Variants in CYP11A1 observed in about 807,000 individuals in gnomAD.
The protein encoded by CYP11A1 is cholesterol side-chain cleavage enzyme, mitochondrial.
Under a neutral mutation model 51.9 loss-of-function variants are expected in CYP11A1, and 25 were observed. The observed-to-expected ratio is 0.48, with a 90% CI of 0.35 to 0.67. The LOEUF is 0.67. Ranked by LOEUF, CYP11A1 falls within the 30% of genes least tolerant of loss-of-function variation. The pLI is 0.00. For missense variants in CYP11A1, 578 were observed against 680.9 expected (o/e 0.85, Z 1.68); for synonymous variants, 245 against 262.1 (o/e 0.93, Z 0.63).
chr15:74,351,585 C>G (rs1042014291), intron 1 of CYP11A1, among the ~76,000 whole-genome samples: 5 of 152,158 alleles, frequency 3.3e-5, no homozygotes, highest in Non-Finnish European at 7.4e-5. Flanking sequence ...CGTCTGGGAC[C>G]CTAAGATTGG....
At chr15:74,359,616 C>T (rs1229306462) in intron 1 of CYP11A1, 3 of 152,256 alleles carry the variant, frequency 2.0e-5, no homozygotes, top group Non-Finnish European at 2.9e-5. Context: ...AGAACAACCC[C>T]TTTGACTGTA....
chr15:74,356,854 C>G (rs2060682802), intron 1 of CYP11A1, among the ~76,000 whole-genome samples: 2 of 152,164 alleles, frequency 1.3e-5, no homozygotes, highest in African/African-American at 4.8e-5. Context: ...TCCTTGGTGA[C>G]TGATCATGCA....
chr15:74,351,292 T>C (rs1186204405), intron 1 of CYP11A1, among the ~76,000 whole-genome samples: 7 of 152,206 alleles, frequency 4.6e-5, no homozygotes, highest in African/African-American at 1.4e-4. Context: ...AAGGGAATAA[T>C]TGCGCTGCCC....
chr15:74,354,674 A>G (rs1177985047), intron 1 of CYP11A1: 1 of 155,942 alleles, frequency 6.4e-6, no homozygotes, highest in African/African-American at 2.4e-5. Context: ...CATCCCACCA[A>G]TTTTAAACCC....
At position 74,346,247 on chromosome 15, in the gene CYP11A1, G is replaced by A. The variant is rs144310370; in HGVS notation, c.426-1004C>T. Among the ~76,000 whole-genome samples, 493 of 150,996 alleles carry A rather than the reference G, an allele frequency of 3.3e-3. 3 individuals carry two copies. The highest frequency in any genetic ancestry group is 0.025 in the South Asian group (122 of 4,792). The stretch of plus-strand genomic sequence containing the variant: ...GGGCATCTATAATCCCAGCTACGCC[G>A]GAGCTTGAGGCAATAGAATCACTTG... On this transcript the variant is annotated intron_variant, in intron 2 of 8. Coordinates refer to ENST00000268053, the MANE Select transcript of CYP11A1 (RefSeq NM_000781.3).
chr15:74,367,194 A>AT, intron 1 of CYP11A1, 123 bp downstream of exon 1: 1 of 979,142 alleles, frequency 1.0e-6, no homozygotes, highest in African/African-American at 1.7e-5. Flanking sequence ...AAAAAAAAAA[A>AT]AAGAAGTTAG....
chr15:74,341,218 C>T (rs1263452916), intron 5 of CYP11A1, among the ~76,000 whole-genome samples: 1 of 152,114 alleles, frequency 6.6e-6, no homozygotes, highest in Non-Finnish European at 1.5e-5. Context: ...AGCTTAGGAC[C>T]CTGCCTGCCA....
Position 74,345,124 on chromosome 15 carries a change from A to G in CYP11A1, c.545T>C (p.Leu182Pro), listed in dbSNP as rs762299364. The change falls in exon 3 of 9, where the codon CTG (leucine) becomes CCG (proline). Residue 182 changes from leucine to proline, a missense_variant. By Grantham distance (98) the Leu-to-Pro change is moderately conservative. Transcript: ENST00000268053. This position sits in a 1 kb window ranked among gnomAD's most constrained non-coding sequence, Gnocchi z 4.3. ...DAVSRDFVSV[L>P]HRRIKKAGSG... is the part of the protein sequence containing the mutation. ...GCCCGCCTTCTTGATGCGCCTGTGC[A>G]GGACACTGACGAAGTCCCGAGACAC... 2 of 1,614,160 alleles carry G rather than the reference A, an allele frequency of 1.2e-6. No individual in the cohort carries two copies. Among genetic ancestry groups the G allele is most frequent in the Non-Finnish European group, 1.7e-6 (2 of 1,180,018 alleles).
Position 74,338,568 on chromosome 15 carries a change from C to G in CYP11A1, c.1434+3G>C. ...GTGCCTAGATGTCCCCAGCTTGACTCACATTGATGAGGAAGATGGTCATCT... is the reference window on the plus strand; with the variant it reads ...GTGCCTAGATGTCCCCAGCTTGACTGACATTGATGAGGAAGATGGTCATCT... On this transcript the variant is annotated splice_donor_region_variant and intron_variant, in intron 8 of 8. Coordinates refer to ENST00000268053, the MANE Select transcript of CYP11A1 (RefSeq NM_000781.3). 1 of 1,614,090 alleles carries G rather than the reference C, an allele frequency of 6.2e-7. No homozygotes were observed.
chr15:74,346,352 C>CAAAAA (rs1231496852), intron 2 of CYP11A1, among the ~76,000 whole-genome samples: 1 of 84,032 alleles, frequency 1.2e-5, no homozygotes, highest in Non-Finnish European at 2.2e-5. Context: ...GACTCTGCCT[C>CAAAAA]AAAAAAAAAA....
At chr15:74,364,902 G>C (rs2060725065) in intron 1 of CYP11A1, among the ~76,000 whole-genome samples, 1 of 152,158 alleles carries the variant, frequency 6.6e-6, no homozygotes, top group African/African-American at 2.4e-5. Flanking sequence ...TGGGGTGCGG[G>C]GTGGGGGGAG....
intron 1 of CYP11A1, chr15:74,363,635 T>C (rs1161233718): frequency 2.0e-5 from 3 of 152,256 alleles, no homozygotes; most frequent in Non-Finnish European, 2.9e-5. Context: ...ACGAGCTGTA[T>C]GCTCTCAAAG....
chr15:74,361,908 G>C, intron 1 of CYP11A1: 1 of 1,113,872 alleles, frequency 9.0e-7, no homozygotes. Flanking sequence ...TGACAAGACT[G>C]AGTGGTGGAT....
chr15:74,361,948 A>G lies in CYP11A1; in HGVS notation c.269+5369T>C, dbSNP rs2060710598. The G allele has an allele frequency of 4.3e-6, 5 of 1,174,796 alleles. No homozygotes were observed. The East Asian group carries it at 1.2e-4, about 27-fold the overall frequency. 72.8% of individuals were successfully genotyped at this position (1,174,796 alleles called of 1,614,324 possible). Reference sequence around the variant, plus strand: ...AGCATGTGGTCTTTGGCAAGGTGAAAGAAGGCATGAATATTGTGGAGGCCA... The same window carrying G: ...AGCATGTGGTCTTTGGCAAGGTGAAGGAAGGCATGAATATTGTGGAGGCCA... On this transcript the variant is annotated intron_variant, in intron 1 of 8. Transcript: ENST00000268053.
intron 1 of CYP11A1, among the ~76,000 whole-genome samples, chr15:74,360,119 T>A (rs1337247477): frequency 1.3e-5 from 2 of 152,180 alleles, no homozygotes; most frequent in African/African-American, 4.8e-5. Context: ...GTTTGCTAAA[T>A]CCTTTAACAT....
At chr15:74,341,706 G>A (rs2060607772) in intron 5 of CYP11A1, among the ~76,000 whole-genome samples, 3 of 152,180 alleles carry the variant, frequency 2.0e-5, no homozygotes. Flanking sequence ...TTCATCTGCT[G>A]AAGTCCTAAC....
intron 3 of CYP11A1, 53 bp from the exon 4 acceptor site, chr15:74,344,045 G>T (rs1202093423): frequency 1.3e-6 from 2 of 1,504,764 alleles, no homozygotes; most frequent in East Asian, 4.5e-5. Flanking sequence ...CCATCTGAGA[G>T]CCACAACTCC....
intron 6 of CYP11A1, 133 bp from the exon 7 acceptor site, chr15:74,339,448 A>G (rs2060595878): frequency 1.4e-6 from 2 of 1,416,206 alleles, no homozygotes; most frequent in African/African-American, 1.4e-5. Flanking sequence ...CCCTGGCTCT[A>G]TTTCTTTCTC....
rs138525415 is a variant in CYP11A1 at position 74,364,122 on chromosome 15, G to A, written c.269+3195C>T. ...TTTCCTCTCACCTAGAGACCATCAA[G>A]CTTCAGATGATCATGTAACAAAGGT... On this transcript the variant is annotated intron_variant, in intron 1 of 8. Transcript: ENST00000268053. The A allele has an allele frequency of 6.2e-3, 944 of 152,834 alleles. 8 individuals are homozygous for A. The highest frequency in any genetic ancestry group is 0.011 in the Non-Finnish European group (724 of 68,026). The allele number at this position is 152,834 out of a possible 1,614,324, so 9.5% of individuals were successfully genotyped here. A position where few individuals can be genotyped will look rare whatever the true frequency, so the allele number is the denominator to read the frequency against.
Sources: gnomAD v4.1 joint callset for allele counts (sites outside exome capture counted in the v4.1 genomes callset) on GRCh38, gnomAD v4.1.1 for gene constraint, Gnocchi (gnomAD v3.1) non-coding constraint, MANE v1.5 for transcripts, NCBI Gene and HGNC (gene_info 2026-07-23, HGNC 2026-07-21) for gene names.